The following LARGE1 variants were observed in gnomAD, a reference collection of about 807,000 sequenced individuals.
LARGE1 encodes LARGE xylosyl- and glucuronyltransferase 1.
LARGE1 carries 43 observed loss-of-function variants against 87.6 expected under a neutral mutation model. That is an observed-to-expected ratio of 0.49 (90% CI 0.38 to 0.63). The LOEUF is 0.63. Ranked by LOEUF, LARGE1 falls within the 30% of genes least tolerant of loss-of-function variation. The pLI is 0.00. For missense variants in LARGE1, 802 were observed against 1,000.2 expected, an observed-to-expected ratio of 0.80 and a Z score of 2.67; for synonymous variants, 434 against 394.6, an observed-to-expected ratio of 1.10 and a Z score of -1.18.
At chr22:33,423,860 A>G (rs2066781267) in intron 7 of LARGE1, among the ~76,000 whole-genome samples, 1 of 152,188 alleles carries the variant, frequency 6.6e-6, no homozygotes, top group African/African-American at 2.4e-5. Flanking sequence ...ATGAAATCTA[A>G]TAAAATGATG....
chr22:33,430,675 A>G (rs1181783130), intron 7 of LARGE1, among the ~76,000 whole-genome samples: 1 of 152,236 alleles, frequency 6.6e-6, no homozygotes, highest in Admixed American at 6.5e-5. Context: ...ATGGCCGTCA[A>G]TACAGGGCTC....
chr22:33,901,335 C>T (rs2065277461), intron 1 of LARGE1, among the ~76,000 whole-genome samples: 4 of 152,100 alleles, frequency 2.6e-5, no homozygotes, highest in Non-Finnish European at 5.9e-5. Flanking sequence ...TTAGGTCATT[C>T]AGCACGTGGT....
the LARGE1 span, among the ~76,000 whole-genome samples, chr22:33,127,176 T>C: frequency 2.0e-5 from 3 of 152,142 alleles, no homozygotes; most frequent in African/African-American, 7.2e-5. Flanking sequence ...TAGGAGCAAG[T>C]GAGGAGGACC....
intron 11 of LARGE1, among the ~76,000 whole-genome samples, chr22:33,169,067 G>A (rs1033273390): frequency 6.6e-6 from 1 of 152,110 alleles, no homozygotes; most frequent in Admixed American, 6.5e-5. Flanking sequence ...TAAATGCCTA[G>A]GAAGCAACCC....
intron 11 of LARGE1, among the ~76,000 whole-genome samples, chr22:33,196,962 T>C (rs77955688): frequency 0.03 from 4,595 of 152,262 alleles, 96 homozygotes; most frequent in Admixed American, 0.056. Context: ...AACTGATAAT[T>C]CCCCATGATG....
intron 5 of LARGE1, among the ~76,000 whole-genome samples, chr22:33,599,700 A>C (rs1457215924): frequency 6.6e-6 from 1 of 152,172 alleles, no homozygotes; most frequent in Admixed American, 6.5e-5. Flanking sequence ...AGATATCATA[A>C]GGGGCCCACA....
intron 6 of LARGE1, among the ~76,000 whole-genome samples, chr22:33,561,620 C>A (rs2077864866): frequency 6.6e-6 from 1 of 152,222 alleles, no homozygotes; most frequent in South Asian, 2.1e-4. Flanking sequence ...AGCTATTTGG[C>A]ACCTAGAAGG....
chr22:33,687,348 C>T (rs907443558), intron 2 of LARGE1, among the ~76,000 whole-genome samples: 1 of 151,706 alleles, frequency 6.6e-6, no homozygotes, highest in Non-Finnish European at 1.5e-5. Flanking sequence ...TCCTACTCTC[C>T]ATCCGATGCC....
chr22:33,169,446 T>C (rs770049321), intron 11 of LARGE1, among the ~76,000 whole-genome samples: 38 of 152,196 alleles, frequency 2.5e-4, no homozygotes, highest in Admixed American at 2.3e-3. Context: ...TTTCAGGCTA[T>C]AAATCATATA....
chr22:33,471,029 C>CTTTTT (rs372332553), intron 6 of LARGE1, among the ~76,000 whole-genome samples: 1 of 129,762 alleles, frequency 7.7e-6, no homozygotes, highest in African/African-American at 2.9e-5. Flanking sequence ...TCTTCTTCTT[C>CTTTTT]TTTTTTTTTT....
the LARGE1 span, among the ~76,000 whole-genome samples, chr22:33,089,304 C>G: frequency 7.5e-6 from 1 of 133,916 alleles, no homozygotes; most frequent in Non-Finnish European, 1.7e-5. Flanking sequence ...TCTTCTTCCT[C>G]TTCTTCTTCT....
chr22:33,685,598 T>C (rs1191084560), intron 2 of LARGE1, among the ~76,000 whole-genome samples: 1 of 152,224 alleles, frequency 6.6e-6, no homozygotes, highest in African/African-American at 2.4e-5. Flanking sequence ...CTCAAGCATA[T>C]GAATTATAAA....
chr22:33,229,004 G>A (rs1201912692), intron 11 of LARGE1, among the ~76,000 whole-genome samples: 1 of 152,220 alleles, frequency 6.6e-6, no homozygotes, highest in East Asian at 1.9e-4. Context: ...AAGGAAGTTT[G>A]TATCTAACTG....
chr22:33,667,185 G>A (rs1055381620), intron 2 of LARGE1, among the ~76,000 whole-genome samples: 3 of 152,204 alleles, frequency 2.0e-5, no homozygotes, highest in African/African-American at 7.2e-5. Flanking sequence ...GATGATGGGA[G>A]AGTTATATGA....
At chr22:33,638,552 G>C (rs1175267422) in intron 3 of LARGE1, among the ~76,000 whole-genome samples, 1 of 152,214 alleles carries the variant, frequency 6.6e-6, no homozygotes, top group Non-Finnish European at 1.5e-5. Context: ...GCTGATGAGA[G>C]TCTGGGTCCC....
chr22:33,808,616 C>T (rs1209031917), intron 1 of LARGE1, among the ~76,000 whole-genome samples: 2 of 152,236 alleles, frequency 1.3e-5, no homozygotes, highest in African/African-American at 2.4e-5. Flanking sequence ...AATAAAGCCC[C>T]GTATTCCCCT....
At chr22:33,288,539 CTG>C (rs1931959874) in intron 12 of LARGE1, among the ~76,000 whole-genome samples, 2 of 152,302 alleles carry the variant, frequency 1.3e-5, no homozygotes, top group East Asian at 1.9e-4. Flanking sequence ...CCTATTGGCT[CTG>C]TGTCTCTGGA....
intron 1 of LARGE1, among the ~76,000 whole-genome samples, chr22:33,858,183 CTT>C (rs1172959751): frequency 6.6e-6 from 1 of 152,190 alleles, no homozygotes; most frequent in African/African-American, 2.4e-5. Flanking sequence ...AACGGCAAGC[CTT>C]TAGCCCGATC....
intron 6 of LARGE1, among the ~76,000 whole-genome samples, chr22:33,507,222 G>A (rs976765990): frequency 1.1e-4 from 17 of 152,278 alleles, no homozygotes; most frequent in East Asian, 1.9e-4. Flanking sequence ...ATAGAGACCC[G>A]AGAGCAGGTA....
Sources: allele counts gnomAD v4.1 joint callset (sites outside exome capture counted in the v4.1 genomes callset), GRCh38; gene constraint gnomAD v4.1.1; transcripts MANE v1.5; gene names NCBI Gene and HGNC (gene_info 2026-07-23, HGNC 2026-07-21).